The following NUP58 variants were observed in gnomAD, a reference collection of about 807,000 sequenced individuals.
The protein encoded by NUP58 is nucleoporin p58/p45.
NUP58 carries 17 observed loss-of-function variants against 70.1 expected under a neutral mutation model. That is an observed-to-expected ratio of 0.24 (90% CI 0.17 to 0.36). NUP58 has a LOEUF of 0.36. Ranked by LOEUF, NUP58 falls within the 10% of genes least tolerant of loss-of-function variation. The probability of loss-of-function intolerance (pLI) is 1.00; values close to 1 mark genes in which losing one functional copy is unlikely to be tolerated. For missense variants in NUP58, 644 were observed against 701.5 expected, an observed-to-expected ratio of 0.92 and a Z score of 0.93; for synonymous variants, 275 against 257.6, an observed-to-expected ratio of 1.07 and a Z score of -0.65.
chr13:25,331,223 G>A (rs751842144), intron 12 of NUP58, 134 bp from the exon 13 acceptor site: 5 of 772,770 alleles, frequency 6.5e-6, no homozygotes, highest in Non-Finnish European at 8.5e-6. Flanking sequence ...TGCATTATTA[G>A]CACTCTAATT....
rs1222382997 is a variant in NUP58, at chr13:25,341,860, TTCA to T, written c.*1730_*1732del. 1 of 152,616 alleles carries T rather than the reference TTCA, an allele frequency of 6.6e-6. No homozygotes were observed. The highest frequency in any genetic ancestry group is 1.9e-4 in the East Asian group (1 of 5,200). 9.5% of individuals were successfully genotyped at this position (152,616 alleles called of 1,614,324 possible). The stretch of plus-strand genomic sequence containing the variant: ...GTCAGTGACTATTTTCAAAATCATT[TTCA>T]TCAAGACACCTTTTTTCTAAAATAG... On this transcript the variant is annotated 3_prime_UTR_variant, in exon 16 of 16. Coordinates refer to ENST00000381736, the MANE Select transcript of NUP58 (RefSeq NM_014089.4).
chr13:25,336,563 G>C (rs569503119), intron 13 of NUP58, among the ~76,000 whole-genome samples: 11 of 152,104 alleles, frequency 7.2e-5, no homozygotes, highest in African/African-American at 2.4e-4. Flanking sequence ...AGTTTTATCA[G>C]AAAACAAGTG....
At chr13:25,310,870 T>A (rs546050950) in intron 3 of NUP58, among the ~76,000 whole-genome samples, 32 of 152,330 alleles carry the variant, frequency 2.1e-4, no homozygotes, top group Admixed American at 1.8e-3. Flanking sequence ...TGCAGCCTTG[T>A]GTCTACATAA....
chr13:25,327,331 A>G (rs1351803119), intron 11 of NUP58, 99 bp from the exon 12 acceptor site: 1 of 688,332 alleles, frequency 1.5e-6, no homozygotes, highest in African/African-American at 1.8e-5. Context: ...TTTCTCCTAC[A>G]CGTTAACTGT....
intron 1 of NUP58, among the ~76,000 whole-genome samples, chr13:25,304,550 CTT>C (rs1316519127): frequency 7.5e-6 from 1 of 132,688 alleles, no homozygotes; most frequent in Admixed American, 8.1e-5. Context: ...CAGTCTCACT[CTT>C]GTTACCCAGC....
Position 25,313,658 on chromosome 13 carries a change from A to C in NUP58, c.481A>C (p.Thr161Pro). 1 of 1,527,846 alleles carries C rather than the reference A, an allele frequency of 6.5e-7. No individual in the cohort carries two copies. The highest frequency in any genetic ancestry group is 8.7e-7 in the Non-Finnish European group (1 of 1,150,906). The allele number at this position is 1,527,846 out of a possible 1,614,324, so 94.6% of individuals were successfully genotyped here. Reference sequence around the variant, plus strand: ...AAATAATTTGGGTGGGACAACAGCCACAACTACAACTGCATCAACAGGCCT... The same window carrying C: ...AAATAATTTGGGTGGGACAACAGCCCCAACTACAACTGCATCAACAGGCCT... Reference protein sequence around the residue: ...TLNNLGGTTATTTTASTGLSL... With the variant: ...TLNNLGGTTAPTTTASTGLSL... Residue 161 changes from threonine (T) to proline (P), a missense_variant, in exon 5 of 16, where the codon ACA (threonine) becomes CCA (proline). Physicochemically the swap from Thr to Pro is conservative, Grantham distance 38. Coordinates refer to ENST00000381736, the MANE Select transcript of NUP58 (RefSeq NM_014089.4).
At chr13:25,312,755 C>T (rs1033514426) in intron 3 of NUP58, 128 bp from the exon 4 acceptor site, 8 of 810,312 alleles carry the variant, frequency 9.9e-6, no homozygotes, top group African/African-American at 8.7e-5. Flanking sequence ...ACAGATACAC[C>T]CTTCTTCTAT....
chr13:25,309,217 A>G (rs949489012), intron 2 of NUP58, 30 bp from the exon 3 acceptor site: 3 of 1,539,288 alleles, frequency 1.9e-6, no homozygotes, highest in African/African-American at 1.4e-5. Context: ...TTCATTGATG[A>G]TTAAATTTTA....
intron 6 of NUP58, among the ~76,000 whole-genome samples, chr13:25,315,773 G>A (rs1402913203): frequency 1.3e-5 from 2 of 152,094 alleles, no homozygotes; most frequent in East Asian, 3.9e-4. Context: ...TCTCTTGTTA[G>A]ATGTTTATTT....
intron 13 of NUP58, chr13:25,336,486 A>G (rs1200982402): frequency 2.9e-6 from 1 of 345,572 alleles, no homozygotes; most frequent in Non-Finnish European, 5.3e-6. Flanking sequence ...TGATCAATTG[A>G]GACTTGACTC....
At chr13:25,319,441 A>G in intron 7 of NUP58, 91 bp downstream of exon 7, 1 of 1,240,570 alleles carries the variant, frequency 8.1e-7, no homozygotes, top group South Asian at 1.3e-5. Flanking sequence ...AGTAAATATC[A>G]TATACATTTA....
chr13:25,334,974 G>A (rs1163035485), intron 13 of NUP58: 4 of 984,980 alleles, frequency 4.1e-6, no homozygotes, highest in African/African-American at 1.7e-5. Flanking sequence ...AATTGTTTAC[G>A]TAACTTTTGC....
intron 14 of NUP58, 91 bp downstream of exon 14, chr13:25,337,125 G>T: frequency 1.4e-6 from 1 of 725,900 alleles, no homozygotes; most frequent in Non-Finnish European, 2.1e-6. Context: ...AGAATCTCCT[G>T]CTATTTTGGA....
intron 1 of NUP58, among the ~76,000 whole-genome samples, chr13:25,306,119 C>T (rs2030342202): frequency 6.6e-6 from 1 of 151,950 alleles, no homozygotes; most frequent in African/African-American, 2.4e-5. Context: ...AAAAAAAATT[C>T]TGCTGGCCGG....
intron 13 of NUP58, chr13:25,332,786 C>T (rs2031655856): frequency 2.0e-6 from 2 of 985,274 alleles, no homozygotes; most frequent in Non-Finnish European, 2.4e-6. Context: ...TGTAGGATTG[C>T]ATTGTTAAGT....
intron 3 of NUP58, among the ~76,000 whole-genome samples, chr13:25,310,520 T>TG: frequency 2.0e-4 from 1 of 4,978 alleles, no homozygotes; most frequent in South Asian, 0.019. Context: ...GTGCCTGGCC[T>TG]TTTTTTTTTT....
At chr13:25,304,734 T>G (rs903713236) in intron 1 of NUP58, among the ~76,000 whole-genome samples, 1 of 151,854 alleles carries the variant, frequency 6.6e-6, no homozygotes, top group Non-Finnish European at 1.5e-5. Flanking sequence ...TTCACCATGT[T>G]GGCCAGGCTG....
chr13:25,310,079 G>A, intron 3 of NUP58: 1 of 346,346 alleles, frequency 2.9e-6, no homozygotes, highest in Non-Finnish European at 5.8e-6. Flanking sequence ...TTCTTCCTCT[G>A]TTGCCCAGGC....
At chr13:25,302,891 G>A (rs1466910175) in intron 1 of NUP58, 2 of 448,390 alleles carry the variant, frequency 4.5e-6, no homozygotes, top group South Asian at 1.6e-5. Flanking sequence ...TTCTGATAAT[G>A]TTACTTCTGC....
Sources: allele counts gnomAD v4.1 joint callset (sites outside exome capture counted in the v4.1 genomes callset), GRCh38; gene constraint gnomAD v4.1.1; transcripts MANE v1.5; gene names NCBI Gene and HGNC (gene_info 2026-07-23, HGNC 2026-07-21).